ASAP1: variants seen among roughly 807,000 people sequenced by gnomAD.
ASAP1 encodes the protein ArfGAP with SH3 domain, ankyrin repeat and PH domain 1, also known as arf-GAP with SH3 domain, ANK repeat and PH domain-containing protein 1.
ASAP1 carries 43 observed loss-of-function variants against 145.2 expected under a neutral mutation model. The ratio of observed to expected loss-of-function variants is 0.30; its 90% CI spans 0.23 to 0.38. ASAP1 has a LOEUF of 0.38. Ranked by LOEUF, ASAP1 falls within the 10% of genes least tolerant of loss-of-function variation. The probability of loss-of-function intolerance (pLI) is 1.00; values close to 1 mark genes in which losing one functional copy is unlikely to be tolerated. For synonymous variants in ASAP1, 546 were observed against 515.5 expected (o/e 1.06, Z -0.80); for missense variants, 1,018 against 1,355.3 (o/e 0.75, Z 3.91).
rs188810512 is a variant in ASAP1, at chr8:130,237,316, T to C, written c.187-322A>G. On this transcript the variant is annotated intron_variant, in intron 3 of 29. Coordinates refer to ENST00000518721, the MANE Select transcript of ASAP1 (RefSeq NM_018482.4). ...CTTAAGGCTTGGATTCTTTCATGCA[T>C]TTACAATCTGGTAAGGAGAAAAGGC... is the stretch of plus-strand genomic sequence containing the variant. Among the ~76,000 whole-genome samples the C allele has an allele frequency of 1.9e-3, 288 of 152,158 alleles. 1 individual carries two copies. The highest frequency in any genetic ancestry group is 6.5e-3 in the African/African-American group (268 of 41,544).
chr8:130,413,651 C>T (rs1008076060), intron 1 of ASAP1, among the ~76,000 whole-genome samples: 10 of 152,134 alleles, frequency 6.6e-5, no homozygotes, highest in African/African-American at 1.2e-4. Context: ...CTTCAGACTT[C>T]CCCAAAAATC....
chr8:130,373,764 T>C (rs1456393230), intron 2 of ASAP1, among the ~76,000 whole-genome samples: 1 of 150,200 alleles, frequency 6.7e-6, no homozygotes, highest in African/African-American at 2.5e-5. Flanking sequence ...GGAGAATTGC[T>C]TGAACCCAGG....
At chr8:130,374,622 C>G (rs1827394450) in intron 2 of ASAP1, among the ~76,000 whole-genome samples, 1 of 152,210 alleles carries the variant, frequency 6.6e-6, no homozygotes, top group Non-Finnish European at 1.5e-5. Flanking sequence ...TAATAAAATG[C>G]AAGTTTTGCC....
chr8:130,142,978 G>A (rs2097616125), intron 13 of ASAP1, among the ~76,000 whole-genome samples: 2 of 152,164 alleles, frequency 1.3e-5, no homozygotes, highest in Non-Finnish European at 1.5e-5. Context: ...TTAGAGCTAC[G>A]TACGGTAGTG....
chr8:130,063,839 A>T (rs2097424550), intron 27 of ASAP1, among the ~76,000 whole-genome samples: 1 of 152,172 alleles, frequency 6.6e-6, no homozygotes, highest in Admixed American at 6.5e-5. Context: ...CTTGGGACAC[A>T]GCTGATGGAA....
At chr8:130,135,234 T>C (rs1221880234) in intron 14 of ASAP1, among the ~76,000 whole-genome samples, 1 of 152,222 alleles carries the variant, frequency 6.6e-6, no homozygotes, top group African/African-American at 2.4e-5. Context: ...CTCATGGCTA[T>C]AATCCTAACA....
At chr8:130,085,295 A>T (rs1592764248) in intron 25 of ASAP1, among the ~76,000 whole-genome samples, 2 of 152,294 alleles carry the variant, frequency 1.3e-5, no homozygotes, top group East Asian at 3.9e-4. Context: ...CAGACACTGT[A>T]TGTGACTTTT....
chr8:130,304,813 T>C (rs77969337), intron 3 of ASAP1, among the ~76,000 whole-genome samples: 1 of 152,220 alleles, frequency 6.6e-6, no homozygotes, highest in Non-Finnish European at 1.5e-5. Flanking sequence ...GTAAATATGG[T>C]AATTCAGTGC....
chr8:130,285,686 C>T lies in ASAP1; in HGVS notation c.187-48692G>A, dbSNP rs1382050845. On this transcript the variant is annotated intron_variant, in intron 3 of 29. Coordinates refer to ENST00000518721, the MANE Select transcript of ASAP1 (RefSeq NM_018482.4). ...GCATCCATGATTAGTGTCAACCTGG[C>T]ATTCAAATTTAGCTGGAATAAGGCT... Among the ~76,000 whole-genome samples the T allele has an allele frequency of 2.6e-5, 4 of 152,170 alleles. No homozygotes were observed. In the South Asian group the frequency reaches 8.3e-4, roughly 32 times the overall value.
At chr8:130,224,287 C>CAT (rs1347651811) in intron 4 of ASAP1, among the ~76,000 whole-genome samples, 9 of 152,180 alleles carry the variant, frequency 5.9e-5, no homozygotes, top group Admixed American at 2.0e-4. Context: ...TGACATAAAT[C>CAT]ATAGCACTGC....
At chr8:130,114,635 C>T (rs1007792094) in intron 23 of ASAP1, among the ~76,000 whole-genome samples, 2 of 152,074 alleles carry the variant, frequency 1.3e-5, no homozygotes, top group African/African-American at 4.8e-5. Context: ...TATTTTTCAG[C>T]TCCGTTTTAA....
rs1196584279 is a variant in ASAP1 at position 130,300,153 on chromosome 8, C to CACAGAGAGAGAGAG, written c.186+57863_186+57864insCTCTCTCTCTCTGT. The stretch of plus-strand genomic sequence containing the variant: ...ACACACACACACACACACACACACA[C>CACAGAGAGAGAGAG]AGAGAGAGAGAGAGAGAGAGAGAGA... On this transcript the variant is annotated intron_variant, in intron 3 of 29. Transcript: ENST00000518721. Among the ~76,000 whole-genome samples, 87 of 76,906 alleles carry CACAGAGAGAGAGAG rather than the reference C, an allele frequency of 1.1e-3. 1 individual carries two copies. Among genetic ancestry groups the CACAGAGAGAGAGAG allele is most frequent in the African/African-American group, 1.4e-3 (26 of 18,492 alleles). The allele number at this position is 76,906 out of a possible 152,430, so 50.5% of individuals were successfully genotyped here.
intron 11 of ASAP1, among the ~76,000 whole-genome samples, chr8:130,163,558 G>A (rs1394382978): frequency 6.6e-6 from 1 of 152,180 alleles, no homozygotes; most frequent in Non-Finnish European, 1.5e-5. Flanking sequence ...GAGTTTCATG[G>A]CTTAATAAAG....
chr8:130,136,560 CTTT>C (rs79726935), intron 14 of ASAP1, among the ~76,000 whole-genome samples: 31 of 144,340 alleles, frequency 2.1e-4, no homozygotes, highest in South Asian at 4.4e-4. Context: ...CACCTAGTGG[CTTT>C]TTTTTTTTTT....
At chr8:130,134,789 G>C (rs563820121) in intron 14 of ASAP1, among the ~76,000 whole-genome samples, 1 of 152,146 alleles carries the variant, frequency 6.6e-6, no homozygotes, top group Non-Finnish European at 1.5e-5. Context: ...AGCTAATTCA[G>C]TATTTTCTGT....
At chr8:130,066,837 T>C (rs1221454908) in intron 27 of ASAP1, among the ~76,000 whole-genome samples, 4 of 152,170 alleles carry the variant, frequency 2.6e-5, no homozygotes, top group Admixed American at 2.6e-4. Context: ...CAGCCAAGAC[T>C]GAGGGCCACT....
At chr8:130,285,564 T>G (rs1031508189) in intron 3 of ASAP1, among the ~76,000 whole-genome samples, 3 of 152,196 alleles carry the variant, frequency 2.0e-5, no homozygotes, top group African/African-American at 7.2e-5. Context: ...AGTCGTCATA[T>G]ATGTAGCTTC....
chr8:130,115,910 G>A (rs1398926163), intron 22 of ASAP1, among the ~76,000 whole-genome samples, 175 bp from the exon 23 acceptor site: 1 of 152,214 alleles, frequency 6.6e-6, no homozygotes, highest in Non-Finnish European at 1.5e-5. Flanking sequence ...GGCTCAAGAA[G>A]AAATGCAAAC....
chr8:130,231,976 A>G (rs147661381), intron 4 of ASAP1, among the ~76,000 whole-genome samples: 15 of 152,340 alleles, frequency 9.8e-5, no homozygotes, highest in South Asian at 8.3e-4. Context: ...CAGTCACCTG[A>G]AAGTTTGACT....
Sources: gnomAD v4.1 joint callset for allele counts (sites outside exome capture counted in the v4.1 genomes callset) on GRCh38, gnomAD v4.1.1 for gene constraint, MANE v1.5 for transcripts, NCBI Gene and HGNC (gene_info 2026-07-23, HGNC 2026-07-21) for gene names.